RGS6: variants seen among roughly 807,000 people sequenced by gnomAD.
RGS6 encodes the protein regulator of G-protein signaling 6.
In RGS6, 30 loss-of-function variants were observed where a neutral mutation model predicts 78.5. That is an observed-to-expected ratio of 0.38 (90% CI 0.29 to 0.52). The LOEUF (loss-of-function observed/expected upper bound fraction) is 0.52. Among genes scored for constraint, RGS6 ranks in the 20% least tolerant of loss-of-function variants. RGS6 has a pLI of 0.85. For missense variants in RGS6, 495 were observed against 609.7 expected (o/e 0.81, Z 1.98); for synonymous variants, 206 against 206.0 (o/e 1.00, Z 0.00).
chr14:72,516,086 T>G (rs1382594961), intron 14 of RGS6, among the ~76,000 whole-genome samples: 1 of 152,242 alleles, frequency 6.6e-6, no homozygotes, highest in East Asian at 1.9e-4. Context: ...CCTCACTGAC[T>G]TCGTCTCTGG....
chr14:72,198,471 T>G (rs2040720784), intron 2 of RGS6, among the ~76,000 whole-genome samples: 1 of 152,262 alleles, frequency 6.6e-6, no homozygotes, highest in Non-Finnish European at 1.5e-5. Context: ...GGGTCCATTT[T>G]AGTTGTACTA....
At chr14:71,986,549 A>G (rs537717391) in intron 2 of RGS6, among the ~76,000 whole-genome samples, 143 of 152,146 alleles carry the variant, frequency 9.4e-4, no homozygotes, top group Non-Finnish European at 1.9e-3. Context: ...TAAAAAAAAA[A>G]AAATACAAAA....
intron 6 of RGS6, among the ~76,000 whole-genome samples, chr14:72,461,782 A>G (rs1398228601): frequency 2.0e-5 from 3 of 152,196 alleles, no homozygotes; most frequent in Non-Finnish European, 2.9e-5. Flanking sequence ...ATCCAGCACA[A>G]TGAGCCCCCA....
intron 2 of RGS6, among the ~76,000 whole-genome samples, chr14:72,332,279 A>C (rs1486976067): frequency 6.6e-6 from 1 of 152,222 alleles, no homozygotes; most frequent in African/African-American, 2.4e-5. Flanking sequence ...ACGCTTTGCC[A>C]AAAAAGAGCG....
At chr14:72,422,215 T>G (rs923749548) in intron 3 of RGS6, among the ~76,000 whole-genome samples, 4 of 152,196 alleles carry the variant, frequency 2.6e-5, no homozygotes, top group Admixed American at 2.0e-4. Context: ...TAAACCTCTT[T>G]CTTTTGTAAA....
At chr14:72,530,342 G>T (rs2097167202) in intron 15 of RGS6, among the ~76,000 whole-genome samples, 1 of 152,228 alleles carries the variant, frequency 6.6e-6, no homozygotes, top group South Asian at 2.1e-4. Flanking sequence ...GACACAAGGA[G>T]ACAGTGTGTC....
At chr14:71,896,021 G>T in the RGS6 span, among the ~76,000 whole-genome samples, 8 of 152,062 alleles carry the variant, frequency 5.3e-5, no homozygotes, top group Non-Finnish European at 1.0e-4. Flanking sequence ...GGTGCAGTCC[G>T]TGCAGGCCAG....
chr14:72,290,698 C>G (rs192982670), intron 2 of RGS6, among the ~76,000 whole-genome samples: 1 of 152,134 alleles, frequency 6.6e-6, no homozygotes, highest in Non-Finnish European at 1.5e-5. Flanking sequence ...GAAGAAAATG[C>G]GCTTAATTAG....
intron 2 of RGS6, among the ~76,000 whole-genome samples, chr14:72,213,094 C>T (rs1264183835): frequency 6.6e-6 from 1 of 152,126 alleles, no homozygotes; most frequent in Non-Finnish European, 1.5e-5. Context: ...TATAGTTTAT[C>T]TTATTAATCC....
chr14:71,968,531 T>A (rs1025929530), intron 2 of RGS6, among the ~76,000 whole-genome samples: 7 of 152,154 alleles, frequency 4.6e-5, no homozygotes, highest in African/African-American at 1.4e-4. Flanking sequence ...TATTTTCTAG[T>A]CTTATTTTAT....
intron 2 of RGS6, among the ~76,000 whole-genome samples, chr14:71,985,383 G>T (rs895927375): frequency 5.9e-5 from 9 of 152,154 alleles, no homozygotes; most frequent in African/African-American, 1.9e-4. Context: ...TGGCCTCCCA[G>T]AGTGCGGGGA....
chr14:72,397,393 T>G (rs2152979242), intron 3 of RGS6, among the ~76,000 whole-genome samples: 1 of 152,078 alleles, frequency 6.6e-6, no homozygotes, highest in African/African-American at 2.4e-5. Flanking sequence ...TTTTGCACAT[T>G]GATTTTGTAT....
intron 2 of RGS6, among the ~76,000 whole-genome samples, chr14:72,315,888 C>G (rs1003910038): frequency 1.3e-5 from 2 of 152,202 alleles, no homozygotes; most frequent in African/African-American, 4.8e-5. Context: ...GCCCACTTAA[C>G]TCTTGTTCCA....
At chr14:72,419,913 T>G (rs979421795) in intron 3 of RGS6, among the ~76,000 whole-genome samples, 8 of 151,984 alleles carry the variant, frequency 5.3e-5, no homozygotes, top group Admixed American at 5.2e-4. Context: ...TGGAGAGAAG[T>G]AGAGCAAAAT....
chr14:72,582,872 A>G, the RGS6 span, among the ~76,000 whole-genome samples: 4 of 151,916 alleles, frequency 2.6e-5, no homozygotes, highest in Admixed American at 6.6e-5. Flanking sequence ...CAGAAAGCTG[A>G]TTAATCATTA....
intron 2 of RGS6, among the ~76,000 whole-genome samples, chr14:72,139,839 T>C (rs191383274): frequency 6.6e-6 from 1 of 152,182 alleles, no homozygotes; most frequent in Admixed American, 6.5e-5. Flanking sequence ...GGCAGACTTT[T>C]TTTTTTTCCA....
At chr14:72,484,931 A>ATTTTT (rs550497245) in intron 12 of RGS6, among the ~76,000 whole-genome samples, 1 of 117,968 alleles carries the variant, frequency 8.5e-6, no homozygotes, top group Non-Finnish European at 1.7e-5. Flanking sequence ...CATCTGGTAG[A>ATTTTT]TTTTTTTTTT....
At chr14:72,085,003 G>T (rs142151747) in intron 2 of RGS6, among the ~76,000 whole-genome samples, 8 of 152,272 alleles carry the variant, frequency 5.3e-5, no homozygotes, top group African/African-American at 7.2e-5. Flanking sequence ...AATCTGCTAC[G>T]TAAGAAGACA....
chr14:72,572,298 T>C, the RGS6 span, among the ~76,000 whole-genome samples: 11 of 152,188 alleles, frequency 7.2e-5, no homozygotes, highest in Non-Finnish European at 1.6e-4. Flanking sequence ...CATAGGTATA[T>C]ACCCAGGAGA....
Sources: gnomAD v4.1 joint callset for allele counts (sites outside exome capture counted in the v4.1 genomes callset) on GRCh38, gnomAD v4.1.1 for gene constraint, MANE v1.5 for transcripts, NCBI Gene and HGNC (gene_info 2026-07-23, HGNC 2026-07-21) for gene names.